Variants in KIAA0825 observed in about 807,000 individuals in gnomAD.
The protein encoded by KIAA0825 is uncharacterized protein KIAA0825.
In KIAA0825, 119 loss-of-function variants were observed where a neutral mutation model predicts 147.6. That is an observed-to-expected ratio of 0.81 (90% confidence interval 0.69 to 0.94). The LOEUF (loss-of-function observed/expected upper bound fraction) is 0.94. KIAA0825 is among the 40% of genes least tolerant of loss of function. KIAA0825 has a pLI of 0.00. For synonymous variants in KIAA0825, 470 were observed against 518.1 expected (o/e 0.91, Z 1.26); for missense variants, 1,381 against 1,472.7 (o/e 0.94, Z 1.02).
chr5:94,612,832 C>T (rs1001661330), intron 1 of KIAA0825, among the ~76,000 whole-genome samples: 9 of 152,290 alleles, frequency 5.9e-5, no homozygotes, highest in South Asian at 4.2e-4. Context: ...GTTAGAGCCA[C>T]AGACCCTAAT....
intron 20 of KIAA0825, among the ~76,000 whole-genome samples, chr5:94,186,963 C>A (rs1770172716): frequency 6.6e-6 from 1 of 152,066 alleles, no homozygotes; most frequent in Non-Finnish European, 1.5e-5. Context: ...TGCAGATGGA[C>A]TTAAAAGCCT....
chr5:94,469,929 A>T (rs1761013546), intron 10 of KIAA0825, 32 bp downstream of exon 10: 3 of 1,513,486 alleles, frequency 2.0e-6, no homozygotes, highest in Non-Finnish European at 1.8e-6. Flanking sequence ...ATATTTGTGT[A>T]AAAAGGAGGG....
chr5:94,590,861 AAC>A lies in KIAA0825; in HGVS notation c.-152-8280_-152-8279del, dbSNP rs375756566. Among the ~76,000 whole-genome samples, 80 of 152,350 alleles carry A rather than the reference AAC, an allele frequency of 5.3e-4. 1 individual carries two copies. In the South Asian group the frequency reaches 8.5e-3, roughly 16 times the overall value. ...AAATAATAATAACCATAATAATAAA[AAC>A]AGTTTCTTTAAAAACATTTCCATAA... On this transcript the variant is annotated intron_variant, in intron 1 of 20. Transcript: ENST00000682413.
At chr5:94,458,099 A>C (rs1391274049) in intron 12 of KIAA0825, among the ~76,000 whole-genome samples, 1 of 152,210 alleles carries the variant, frequency 6.6e-6, no homozygotes, top group Non-Finnish European at 1.5e-5. Context: ...AATCACAGAC[A>C]ACTACCTATG....
chr5:94,387,482 T>C (rs1424450434), intron 18 of KIAA0825, among the ~76,000 whole-genome samples: 1 of 152,084 alleles, frequency 6.6e-6, no homozygotes, highest in Non-Finnish European at 1.5e-5. Context: ...TCACTTAAGG[T>C]TGGGAGTTCC....
At chr5:94,186,380 C>A (rs758834148) in intron 20 of KIAA0825, among the ~76,000 whole-genome samples, 1 of 151,930 alleles carries the variant, frequency 6.6e-6, no homozygotes, top group Non-Finnish European at 1.5e-5. Flanking sequence ...TATTTACTGA[C>A]CTTTCTAAAG....
intron 20 of KIAA0825, among the ~76,000 whole-genome samples, chr5:94,261,450 A>G (rs1776489197): frequency 6.6e-6 from 1 of 152,174 alleles, no homozygotes. Flanking sequence ...TGTTTCACTT[A>G]ATTATTTCTC....
intron 20 of KIAA0825, among the ~76,000 whole-genome samples, chr5:94,348,939 C>A (rs535541344): frequency 6.6e-6 from 1 of 152,132 alleles, no homozygotes; most frequent in African/African-American, 2.4e-5. Context: ...TGCAATGGTA[C>A]CTCACATTTC....
intron 14 of KIAA0825, among the ~76,000 whole-genome samples, chr5:94,435,035 A>G (rs189203505): frequency 1.3e-3 from 203 of 151,832 alleles, no homozygotes; most frequent in Non-Finnish European, 2.2e-3. Context: ...AAATACATGT[A>G]CTTCATATTT....
At chr5:94,557,244 T>C (rs1227438308) in intron 2 of KIAA0825, among the ~76,000 whole-genome samples, 1 of 152,032 alleles carries the variant, frequency 6.6e-6, no homozygotes, top group Non-Finnish European at 1.5e-5. Flanking sequence ...TCCTCCTAAC[T>C]GGGACTACAG....
At chr5:94,556,969 G>A (rs1016087435) in intron 2 of KIAA0825, among the ~76,000 whole-genome samples, 2 of 152,110 alleles carry the variant, frequency 1.3e-5, no homozygotes, top group African/African-American at 4.8e-5. Context: ...CCTTGAAATT[G>A]TCTCCTCTCT....
chr5:94,592,876 G>T, intron 1 of KIAA0825: 1 of 591,832 alleles, frequency 1.7e-6, no homozygotes, highest in South Asian at 1.6e-5. Context: ...CATCAGTTGT[G>T]AACCACTCAT....
At chr5:94,391,948 T>G (rs1749957394) in intron 17 of KIAA0825, among the ~76,000 whole-genome samples, 2 of 152,250 alleles carry the variant, frequency 1.3e-5, no homozygotes, top group Non-Finnish European at 2.9e-5. Context: ...TATACTCCTA[T>G]CTATAAAACA....
chr5:94,176,135 C>T (rs1022241549), intron 20 of KIAA0825, among the ~76,000 whole-genome samples: 20 of 152,148 alleles, frequency 1.3e-4, no homozygotes, highest in African/African-American at 4.6e-4. Context: ...GTCATGGGGG[C>T]AGATCCCTCA....
intron 14 of KIAA0825, 33 bp from the exon 15 acceptor site, chr5:94,417,398 T>A (rs1354638818): frequency 6.6e-7 from 1 of 1,517,866 alleles, no homozygotes; most frequent in African/African-American, 1.4e-5. Flanking sequence ...GGAATCAAAA[T>A]GATTTAGTAA....
intron 20 of KIAA0825, among the ~76,000 whole-genome samples, chr5:94,269,872 A>C (rs1776905413): frequency 6.6e-6 from 1 of 152,090 alleles, no homozygotes; most frequent in Admixed American, 6.6e-5. Flanking sequence ...TTGCTTTTTA[A>C]AAAAGTTAAA....
chr5:94,534,337 T>C (rs1380311943), intron 3 of KIAA0825, among the ~76,000 whole-genome samples: 16 of 152,186 alleles, frequency 1.1e-4, no homozygotes, highest in Non-Finnish European at 5.9e-5. Context: ...CCACAGTTAT[T>C]ATTCAGTATT....
rs142083743 is a variant in KIAA0825 at position 94,449,327 on chromosome 5, T to G, written c.2357+3632A>C. Reference sequence around the variant, plus strand: ...TACAGGTTTCTGAATGAGAGAGAGATATAATGAAAACAGTCTTTTAAACAC... The same window carrying G: ...TACAGGTTTCTGAATGAGAGAGAGAGATAATGAAAACAGTCTTTTAAACAC... On this transcript the variant is annotated intron_variant, in intron 13 of 20. Coordinates refer to ENST00000682413, the MANE Select transcript of KIAA0825 (RefSeq NM_001145678.3). 2.0e-3 allele frequency among the ~76,000 whole-genome samples: 310 copies of G among 152,166 alleles called. 1 individual carries two copies. The highest frequency in any genetic ancestry group is 7.2e-3 in the African/African-American group (297 of 41,504).
At chr5:94,555,427 T>C (rs924713200) in intron 2 of KIAA0825, among the ~76,000 whole-genome samples, 4 of 152,156 alleles carry the variant, frequency 2.6e-5, no homozygotes, top group African/African-American at 9.7e-5. Context: ...TTACTATAAT[T>C]ATGTAAACTA....
Sources: gnomAD v4.1 joint callset for allele counts (sites outside exome capture counted in the v4.1 genomes callset) on GRCh38, gnomAD v4.1.1 for gene constraint, MANE v1.5 for transcripts, NCBI Gene and HGNC (gene_info 2026-07-23, HGNC 2026-07-21) for gene names.